Variants in GALNT15 observed in about 807,000 individuals in gnomAD.
GALNT15 encodes the protein UDP-GalNAc transferase T15.
GALNT15 carries 67 observed loss-of-function variants against 66.8 expected under a neutral mutation model. The observed-to-expected ratio is 1.00, with a 90% confidence interval of 0.82 to 1.23. The LOEUF is 1.23. Among genes scored for constraint, GALNT15 ranks in the 50% most tolerant of loss-of-function variants. The pLI is 0.00. For missense variants in GALNT15, 827 were observed against 804.3 expected (o/e 1.03, Z -0.34); for synonymous variants, 313 against 311.5 (o/e 1.00, Z -0.05).
In GALNT15 at chr3:16,176,711, T is replaced by A. The variant is rs1325554143; in HGVS notation, c.539+1021T>A. Among the ~76,000 whole-genome samples, 1 of 152,210 alleles carries A rather than the reference T, an allele frequency of 6.6e-6. No individual in the cohort carries two copies. On this transcript the variant is annotated intron_variant, in intron 1 of 9. Transcript: ENST00000339732. The surrounding 1 kb of genome is among the most constrained non-coding windows in gnomAD (Gnocchi z 5.6). ...TTTAGTTTGGTGATTTAGGTCCCTT[T>A]TCCTATAGGCCATTGCTCCTCCCAG...
rs1404296360 is a variant in GALNT15, at chr3:16,188,738, T to C, written c.540-7022T>C. Among the ~76,000 whole-genome samples the C allele has an allele frequency of 1.3e-5, 2 of 152,200 alleles. No individual in the cohort carries two copies. The highest frequency in any genetic ancestry group is 2.9e-5 in the Non-Finnish European group (2 of 68,032). ...GCTCAAACCCTCCTCCTAGTTCTGG[T>C]CTACCCACCCCTCATTCCTTAGTGC... On this transcript the variant is annotated intron_variant, in intron 1 of 9. Coordinates refer to ENST00000339732, the MANE Select transcript of GALNT15 (RefSeq NM_054110.5). This position sits in a 1 kb window ranked among gnomAD's most constrained non-coding sequence, Gnocchi z 4.6.
rs761646226 is a variant in GALNT15 at position 16,186,848 on chromosome 3, G to A, written c.540-8912G>A. Among the ~76,000 whole-genome samples the A allele has an allele frequency of 3.3e-5, 5 of 152,102 alleles. No homozygotes were observed. Among genetic ancestry groups the A allele is most frequent in the South Asian group, 2.1e-4 (1 of 4,830 alleles). Reference sequence around the variant, plus strand: ...TTTTTGGGGGTGGGGTGTTGAAAACGTTCTCAAATTAGACAGTGGTGATGG... The same window carrying A: ...TTTTTGGGGGTGGGGTGTTGAAAACATTCTCAAATTAGACAGTGGTGATGG... On this transcript the variant is annotated intron_variant, in intron 1 of 9. Coordinates refer to ENST00000339732, the MANE Select transcript of GALNT15 (RefSeq NM_054110.5). The surrounding 1 kb of genome is among the most constrained non-coding windows in gnomAD (Gnocchi z 5.1).
chr3:16,223,482 T>G (rs1409894618), intron 9 of GALNT15, among the ~76,000 whole-genome samples: 1 of 152,114 alleles, frequency 6.6e-6, no homozygotes, highest in Non-Finnish European at 1.5e-5. Context: ...TTTTAAAAAT[T>G]TCTTCAACTT....
chr3:16,227,199 T>C lies in GALNT15; in HGVS notation c.1774-155T>C, dbSNP rs982815428. Reference sequence around the variant, plus strand: ...CCAAATTTTAGGGCTACCTAATTTATATTTTATGTTGATCAAAATACCACA... The same window carrying C: ...CCAAATTTTAGGGCTACCTAATTTACATTTTATGTTGATCAAAATACCACA... On this transcript the variant is annotated intron_variant, in intron 9 of 9. Coordinates refer to ENST00000339732, the MANE Select transcript of GALNT15 (RefSeq NM_054110.5). The surrounding 1 kb of genome is among the most constrained non-coding windows in gnomAD (Gnocchi z 4.5). Among the ~76,000 whole-genome samples the C allele has an allele frequency of 9.2e-5, 14 of 152,270 alleles. No individual in the cohort carries two copies. Among genetic ancestry groups the C allele is most frequent in the Non-Finnish European group, 1.8e-4 (12 of 68,046 alleles).
At chr3:16,235,275 A>T (rs1204875776), downstream of GALNT15, among the ~76,000 whole-genome samples, 1 of 152,144 alleles carries the variant, frequency 6.6e-6, no homozygotes, top group African/African-American at 2.4e-5. Flanking sequence ...CCCTGGGGAA[A>T]AGTGAATATG....
chr3:16,205,369 T>G (rs180983122), intron 3 of GALNT15, among the ~76,000 whole-genome samples: 2 of 152,360 alleles, frequency 1.3e-5, no homozygotes, highest in South Asian at 2.1e-4. Flanking sequence ...GAAACTACAG[T>G]TAGCTCTTGA....
chr3:16,228,011 A>G lies in GALNT15; in HGVS notation c.*511A>G, dbSNP rs1233456544. 2 of 987,784 alleles carry G rather than the reference A, an allele frequency of 2.0e-6. No homozygotes were observed. Among genetic ancestry groups the G allele is most frequent in the Non-Finnish European group, 2.4e-6 (2 of 831,574 alleles). 61.2% of individuals were successfully genotyped at this position (987,784 alleles called of 1,614,324 possible). On this transcript the variant is annotated 3_prime_UTR_variant, in exon 10 of 10. Transcript: ENST00000339732. Reference sequence around the variant, plus strand: ...AAATGTTGTGTTCATTTGTTGAGCCATATCTCAGAAGAAGGAAAGGGAGCT... The same window carrying G: ...AAATGTTGTGTTCATTTGTTGAGCCGTATCTCAGAAGAAGGAAAGGGAGCT...
chr3:16,210,664 C>T (rs2063802663), intron 4 of GALNT15, among the ~76,000 whole-genome samples: 1 of 152,162 alleles, frequency 6.6e-6, no homozygotes, highest in African/African-American at 2.4e-5. Context: ...GTGGATTCAT[C>T]ATAGAATTGG....
chr3:16,184,830 T>G lies in GALNT15; in HGVS notation c.539+9140T>G, dbSNP rs1223924866. Among the ~76,000 whole-genome samples the G allele has an allele frequency of 6.6e-6, 1 of 152,168 alleles. No individual in the cohort carries two copies. The highest frequency in any genetic ancestry group is 1.5e-5 in the Non-Finnish European group (1 of 68,024). ...AGACAGTGTAGAACATGCATGCATC[T>G]CAGCGCTTCCTACCCTCTGCCCTTA... On this transcript the variant is annotated intron_variant, in intron 1 of 9. Coordinates refer to ENST00000339732, the MANE Select transcript of GALNT15 (RefSeq NM_054110.5). The surrounding 1 kb of genome is among the most constrained non-coding windows in gnomAD (Gnocchi z 5.0).
chr3:16,213,725 G>A (rs1174185210), intron 6 of GALNT15, among the ~76,000 whole-genome samples: 1 of 152,156 alleles, frequency 6.6e-6, no homozygotes, highest in Non-Finnish European at 1.5e-5. Flanking sequence ...ACACTGCTGG[G>A]GTGTGAGTTA....
At chr3:16,205,083 A>T (rs1027466175) in intron 3 of GALNT15, among the ~76,000 whole-genome samples, 1 of 152,204 alleles carries the variant, frequency 6.6e-6, no homozygotes, top group East Asian at 1.9e-4. Flanking sequence ...ATCGTACTTC[A>T]TACCCTTCAG....
At position 16,180,901 on chromosome 3, in the gene GALNT15, A is replaced by G. The variant is rs1323699719; in HGVS notation, c.539+5211A>G. 6.6e-6 allele frequency among the ~76,000 whole-genome samples: 1 copy of G among 152,182 alleles called. No individual in the cohort carries two copies. The highest frequency in any genetic ancestry group is 1.5e-5 in the Non-Finnish European group (1 of 68,042). On this transcript the variant is annotated intron_variant, in intron 1 of 9. Transcript: ENST00000339732. The surrounding 1 kb of genome is among the most constrained non-coding windows in gnomAD (Gnocchi z 5.0). ...GGACCTGTGGTTGAATCCTGGTACC[A>G]CCTGTTACTGTGTGACCTTGTACAA...
Position 16,193,678 on chromosome 3 carries a change from A to T in GALNT15, c.540-2082A>T, listed in dbSNP as rs2063603601. Among the ~76,000 whole-genome samples the T allele has an allele frequency of 6.6e-6, 1 of 152,144 alleles. No individual in the cohort carries two copies. The highest frequency in any genetic ancestry group is 2.4e-5 in the African/African-American group (1 of 41,408). ...GGAGCAGCAAGAGTTGGCACATCTT[A>T]GAAGGTGTTTCCCTCAGACAGGGCC... On this transcript the variant is annotated intron_variant, in intron 1 of 9. Coordinates refer to ENST00000339732, the MANE Select transcript of GALNT15 (RefSeq NM_054110.5). This position sits in a 1 kb window ranked among gnomAD's most constrained non-coding sequence, Gnocchi z 4.7.
Position 16,228,768 on chromosome 3 carries a change from C to T in GALNT15, c.*1268C>T, listed in dbSNP as rs2064051017. ...TGGGAGGAAAATGCCAGAGCCTGAGCCAAAATTCTTATGACAGGTAACATT... is the reference window on the plus strand; with the variant it reads ...TGGGAGGAAAATGCCAGAGCCTGAGTCAAAATTCTTATGACAGGTAACATT... On this transcript the variant is annotated 3_prime_UTR_variant, in exon 10 of 10. Coordinates refer to ENST00000339732, the MANE Select transcript of GALNT15 (RefSeq NM_054110.5). The T allele has an allele frequency of 1.0e-6, 1 of 985,288 alleles. No homozygotes were observed. The highest frequency in any genetic ancestry group is 1.7e-5 in the African/African-American group (1 of 57,198). The allele number at this position is 985,288 out of a possible 1,614,324, so 61.0% of individuals were successfully genotyped here.
In GALNT15 at chr3:16,184,528, T is replaced by A. The variant is rs1347636474; in HGVS notation, c.539+8838T>A. Among the ~76,000 whole-genome samples, 1 of 152,246 alleles carries A rather than the reference T, an allele frequency of 6.6e-6. No individual in the cohort carries two copies. The highest frequency in any genetic ancestry group is 6.5e-5 in the Admixed American group (1 of 15,292). Reference sequence around the variant, plus strand: ...TCTCTGGGCTGTGTCCTACCCACCCTTCAGGTCTTGGCTTTGATTTCACGT... The same window carrying A: ...TCTCTGGGCTGTGTCCTACCCACCCATCAGGTCTTGGCTTTGATTTCACGT... On this transcript the variant is annotated intron_variant, in intron 1 of 9. Transcript: ENST00000339732. This position sits in a 1 kb window ranked among gnomAD's most constrained non-coding sequence, Gnocchi z 5.0.
rs2064064777 is a variant in GALNT15, at chr3:16,229,796, C to G, written c.*2296C>G. ...CAAAAGGACCCAGATGGCTTATTGCCTAATTGGGTGAACAAAGCAAGAATA... is the reference window on the plus strand; with the variant it reads ...CAAAAGGACCCAGATGGCTTATTGCGTAATTGGGTGAACAAAGCAAGAATA... On this transcript the variant is annotated 3_prime_UTR_variant, in exon 10 of 10. Transcript: ENST00000339732. The G allele has an allele frequency of 2.1e-6, 2 of 950,992 alleles. No homozygotes were observed. Among genetic ancestry groups the G allele is most frequent in the Non-Finnish European group, 2.5e-6 (2 of 798,546 alleles). The allele number at this position is 950,992 out of a possible 1,614,324, so 58.9% of individuals were successfully genotyped here. A position where few individuals can be genotyped will look rare whatever the true frequency, so the allele number is the denominator to read the frequency against.
At chr3:16,223,845 A>C (rs949538931) in intron 9 of GALNT15, among the ~76,000 whole-genome samples, 7 of 152,114 alleles carry the variant, frequency 4.6e-5, no homozygotes, top group Non-Finnish European at 8.8e-5. Context: ...GGTGTGAGCC[A>C]CTGCGCCTGG....
At chr3:16,218,411 A>G (rs2063903651) in intron 6 of GALNT15, among the ~76,000 whole-genome samples, 1 of 152,116 alleles carries the variant, frequency 6.6e-6, no homozygotes, top group Non-Finnish European at 1.5e-5. Context: ...TCTTCCCTAA[A>G]AGTATCCAAG....
intron 1 of GALNT15, among the ~76,000 whole-genome samples, chr3:16,177,631 G>A (rs530396338): frequency 2.4e-4 from 37 of 152,332 alleles, no homozygotes; most frequent in African/African-American, 8.7e-4. Flanking sequence ...TAATGTGCAT[G>A]TATTATGTGC....
Sources: allele counts gnomAD v4.1 joint callset (sites outside exome capture counted in the v4.1 genomes callset), GRCh38; gene constraint gnomAD v4.1.1; non-coding constraint Gnocchi (gnomAD v3.1); transcripts MANE v1.5; gene names NCBI Gene and HGNC (gene_info 2026-07-23, HGNC 2026-07-21).